Variants in VWA5B1 observed in about 807,000 individuals in gnomAD.
VWA5B1 encodes the protein von Willebrand factor A domain containing 5B1.
In VWA5B1, 115 loss-of-function variants were observed where a neutral mutation model predicts 118.2. The observed-to-expected ratio is 0.97, with a 90% CI of 0.84 to 1.14. The LOEUF (loss-of-function observed/expected upper bound fraction) is 1.14. Ranked by LOEUF, VWA5B1 falls within the 50% of genes most tolerant of loss-of-function variation. The pLI is 0.00. For missense variants in VWA5B1, 1,596 were observed against 1,603.8 expected (o/e 1.00, Z 0.08); for synonymous variants, 682 against 658.4 (o/e 1.04, Z -0.55).
chr1:20,335,313 TAAAC>T (rs1030381448), intron 12 of VWA5B1, among the ~76,000 whole-genome samples: 2 of 152,170 alleles, frequency 1.3e-5, no homozygotes, highest in South Asian at 2.1e-4. Context: ...ACCCTATCTC[TAAAC>T]AAACAAACAG....
At chr1:20,333,401 C>T (rs186052342) in intron 12 of VWA5B1, among the ~76,000 whole-genome samples, 44 of 152,280 alleles carry the variant, frequency 2.9e-4, no homozygotes, top group African/African-American at 7.9e-4. Flanking sequence ...CACTTGAACT[C>T]GGGAGGCGGA....
chr1:20,325,207 T>A (rs1173094084), intron 8 of VWA5B1, among the ~76,000 whole-genome samples: 1 of 152,226 alleles, frequency 6.6e-6, no homozygotes, highest in Non-Finnish European at 1.5e-5. Flanking sequence ...TTATGGAGAA[T>A]TATGCATACT....
At chr1:20,353,677 T>C (rs1159548330) in intron 21 of VWA5B1, 80 bp from the exon 22 acceptor site, 20 of 1,424,848 alleles carry the variant, frequency 1.4e-5, no homozygotes, top group Non-Finnish European at 1.8e-5. Flanking sequence ...GTGGGCAACA[T>C]GGATCCAGAC....
In VWA5B1 at chr1:20,317,637, A is replaced by C. The variant is rs149093015; in HGVS notation, c.671A>C (p.Asn224Thr). The C allele has an allele frequency of 3.7e-4, 567 of 1,551,668 alleles. 4 individuals carry two copies. The East Asian group carries it at 0.012, about 32-fold the overall frequency. Residue 224 changes from asparagine to threonine, a missense_variant, in exon 5 of 22, where the codon AAC becomes ACC. Transcript: ENST00000289815. The stretch of plus-strand genomic sequence containing the variant: ...TCCAACCCCATGGAGTATGAGTTCA[A>C]CTTCCAGCTGGAGATCCGTGGGCCA... ...EVSNPMEYEF[N>T]FQLEIRGPCL...
rs1456151105 is a variant in VWA5B1, at chr1:20,310,567, G to A, written c.-26-9G>A. ...TCTTCCCACTTCCTGCCCTTCCTGT[G>A]TCTCACAGGTTCTGAAGGCTGAGTA... On this transcript the variant is annotated splice_polypyrimidine_tract_variant and intron_variant, in intron 1 of 21. Transcript: ENST00000289815. 1.7e-5 allele frequency: 25 copies of A among 1,490,304 alleles called. No individual in the cohort carries two copies. Among genetic ancestry groups the A allele is most frequent in the Non-Finnish European group, 2.2e-5 (25 of 1,118,394 alleles). 92.3% of individuals were successfully genotyped at this position (1,490,304 alleles called of 1,614,324 possible).
In VWA5B1 at chr1:20,312,859, G is replaced by A. The variant is rs1056011009; in HGVS notation, c.163G>A (p.Glu55Lys). Residue 55 changes from glutamate to lysine, a missense_variant, in exon 3 of 22, where the codon GAG (glutamate) becomes AAG (lysine). Coordinates refer to ENST00000289815, the MANE Select transcript of VWA5B1 (RefSeq NM_001039500.3). ...FQGLFVYPLD[E>K]CTTVIGFEAV... The stretch of plus-strand genomic sequence containing the variant: ...AGGCCTCTTCGTGTACCCCCTGGAT[G>A]AGTGCACCACGGTGATCGGCTTTGA... 5.2e-6 allele frequency: 8 copies of A among 1,551,262 alleles called. No individual in the cohort carries two copies. Among genetic ancestry groups the A allele is most frequent in the Non-Finnish European group, 6.1e-6 (7 of 1,146,780 alleles).
intron 12 of VWA5B1, among the ~76,000 whole-genome samples, chr1:20,334,323 A>G (rs1203036654): frequency 6.6e-6 from 1 of 152,160 alleles, no homozygotes; most frequent in Non-Finnish European, 1.5e-5. Flanking sequence ...GGAGGTCTAG[A>G]AGGCACCAGT....
At chr1:20,319,921 C>T (rs918879452) in intron 7 of VWA5B1, among the ~76,000 whole-genome samples, 2 of 152,206 alleles carry the variant, frequency 1.3e-5, no homozygotes, top group African/African-American at 2.4e-5. Flanking sequence ...CCCTTGCTTG[C>T]TATGACATAA....
chr1:20,348,457 C>T, intron 18 of VWA5B1, 99 bp downstream of exon 18: 1 of 1,257,556 alleles, frequency 8.0e-7, no homozygotes, highest in Non-Finnish European at 1.1e-6. Context: ...TAGGACCACT[C>T]TCTGAGTCTG....
At chr1:20,328,082 T>A in intron 9 of VWA5B1, 82 bp downstream of exon 9, 1 of 1,361,774 alleles carries the variant, frequency 7.3e-7, no homozygotes, top group Non-Finnish European at 1.0e-6. Context: ...AAAAAATAGT[T>A]AAAACCCTAG....
intron 1 of VWA5B1, among the ~76,000 whole-genome samples, chr1:20,292,559 G>A (rs1447236732): frequency 2.0e-5 from 3 of 152,256 alleles, no homozygotes; most frequent in Non-Finnish European, 4.4e-5. Context: ...GTATATAAAT[G>A]TGTTTACGTG....
In VWA5B1 at chr1:20,354,421, C is replaced by A; in HGVS notation, c.*158C>A. On this transcript the variant is annotated 3_prime_UTR_variant, in exon 22 of 22. Transcript: ENST00000289815. ...CAGCCAGGAGGCCTGAGTTCAATCC[C>A]AACTTTGCTACCATCCAGCCATGCA... 1 of 947,136 alleles carries A rather than the reference C, an allele frequency of 1.1e-6. No homozygotes were observed. The highest frequency in any genetic ancestry group is 1.5e-6 in the Non-Finnish European group (1 of 656,378). The allele number at this position is 947,136 out of a possible 1,614,324, so 58.7% of individuals were successfully genotyped here.
intron 4 of VWA5B1, among the ~76,000 whole-genome samples, chr1:20,316,489 C>A (rs1039311361): frequency 1.1e-4 from 17 of 152,132 alleles, no homozygotes; most frequent in African/African-American, 3.6e-4. Flanking sequence ...TAATATAAGG[C>A]AATCTTGTCA....
rs944228008 is a variant in VWA5B1 at position 20,351,525 on chromosome 1, G to A, written c.3024-530G>A. Among the ~76,000 whole-genome samples, 4 of 152,240 alleles carry A rather than the reference G, an allele frequency of 2.6e-5. No homozygotes were observed. In the East Asian group the frequency reaches 5.8e-4, roughly 22 times the overall value. On this transcript the variant is annotated intron_variant, in intron 20 of 21. Transcript: ENST00000289815. ...AAATTAGCCAGGCATGGTCGCATGT[G>A]CCTGTAGTCCCACCTACTAGGGAGG...
chr1:20,330,501 G>A (rs2089518426), intron 10 of VWA5B1, 119 bp downstream of exon 10: 10 of 1,241,688 alleles, frequency 8.1e-6, no homozygotes, highest in Middle Eastern at 5.5e-4. Context: ...AATTCCCAAA[G>A]GGCTTTGCTT....
At chr1:20,322,082 G>A (rs1320246169) in intron 7 of VWA5B1, among the ~76,000 whole-genome samples, 2 of 152,240 alleles carry the variant, frequency 1.3e-5, no homozygotes, top group Non-Finnish European at 2.9e-5. Context: ...AACACGGGCA[G>A]TAGCAGTGGA....
chr1:20,303,958 C>T (rs901055896), intron 1 of VWA5B1, among the ~76,000 whole-genome samples: 5 of 152,318 alleles, frequency 3.3e-5, no homozygotes, highest in African/African-American at 1.2e-4. Flanking sequence ...CACTTTCTGG[C>T]TGTGTGATGG....
chr1:20,350,921 A>G lies in VWA5B1; in HGVS notation c.3018A>G (p.Gly1006=), dbSNP rs2090116515. The G allele has an allele frequency of 6.4e-7, 1 of 1,551,886 alleles. No homozygotes were observed. The highest frequency in any genetic ancestry group is 8.7e-7 in the Non-Finnish European group (1 of 1,147,014). The change falls in exon 20 of 22, where the codon GGA becomes GGG. Residue 1006 remains glycine (G), a synonymous_variant. Transcript: ENST00000289815. The part of the protein sequence containing the change: ...SSMKASENLF[G]SWLNLNKSRL... ...TGAAGGCCTCAGAGAATCTCTTTGG[A>G]TCCTGGTAGGTGGGATTTCCAATAA...
Position 20,359,033 on chromosome 1 carries a change from C to A in VWA5B1, c.*4770C>A, listed in dbSNP as rs1386586783. On this transcript the variant is annotated 3_prime_UTR_variant, in exon 22 of 22. Coordinates refer to ENST00000289815, the MANE Select transcript of VWA5B1 (RefSeq NM_001039500.3). ...AACAGCACTGCCTCCCCGGGTTACC[C>A]GATGAGGTGGGATTTTTCTCCTGTT... Among the ~76,000 whole-genome samples, 1 of 152,224 alleles carries A rather than the reference C, an allele frequency of 6.6e-6. No homozygotes were observed. Among genetic ancestry groups the A allele is most frequent in the Non-Finnish European group, 1.5e-5 (1 of 68,040 alleles).
Sources: allele counts gnomAD v4.1 joint callset (sites outside exome capture counted in the v4.1 genomes callset), GRCh38; gene constraint gnomAD v4.1.1; transcripts MANE v1.5; gene names NCBI Gene and HGNC (gene_info 2026-07-23, HGNC 2026-07-21).